MEGF10: variants seen among roughly 807,000 people sequenced by gnomAD.
The protein encoded by MEGF10 is multiple epidermal growth factor-like domains protein 10.
In MEGF10, 86 loss-of-function variants were observed where a neutral mutation model predicts 147.5. The observed-to-expected ratio is 0.58, with a 90% confidence interval of 0.49 to 0.70. The LOEUF is 0.70. Ranked by LOEUF, MEGF10 falls within the 30% of genes least tolerant of loss-of-function variation. The pLI is 0.00. For synonymous variants in MEGF10, 478 were observed against 525.5 expected, an observed-to-expected ratio of 0.91 and a Z score of 1.24; for missense variants, 1,329 against 1,487.3, an observed-to-expected ratio of 0.89 and a Z score of 1.75.
At chr5:127,326,879 G>C (rs947329217) in intron 1 of MEGF10, among the ~76,000 whole-genome samples, 1 of 152,114 alleles carries the variant, frequency 6.6e-6, no homozygotes, top group African/African-American at 2.4e-5. Flanking sequence ...ATTGATTCTA[G>C]GAAGAAAATA....
At chr5:127,287,367 G>T (rs962895038), upstream of MEGF10, among the ~76,000 whole-genome samples, 1 of 151,934 alleles carries the variant, frequency 6.6e-6, no homozygotes, top group African/African-American at 2.4e-5. Flanking sequence ...AAAACTACTA[G>T]AACGAATAAG....
intron 2 of MEGF10, among the ~76,000 whole-genome samples, chr5:127,334,984 C>A (rs574474382): frequency 1.3e-5 from 2 of 152,304 alleles, no homozygotes; most frequent in Admixed American, 6.5e-5. Flanking sequence ...TCTCCTCCCC[C>A]ACTCCCTGGT....
rs4836319 is a variant in MEGF10 at position 127,303,035 on chromosome 5, A to G, written c.-19+11979A>G. Among the ~76,000 whole-genome samples, 952 of 152,112 alleles carry G rather than the reference A, an allele frequency of 6.3e-3. 48 individuals carry two copies. Among genetic ancestry groups the G allele is most frequent in the Admixed American group, 0.057 (877 of 15,258 alleles). On this transcript the variant is annotated intron_variant, in intron 1 of 24. Transcript: ENST00000503335. ...CCAGACTAAAGGATTTGTATAATGG[A>G]ATATCAAGAGATAAGGTTGGGGTCA... is the stretch of plus-strand genomic sequence containing the variant.
intron 1 of MEGF10, among the ~76,000 whole-genome samples, chr5:127,329,416 G>A (rs1480976632): frequency 1.3e-5 from 2 of 151,964 alleles, no homozygotes; most frequent in African/African-American, 4.8e-5. Context: ...TAGGTAACTT[G>A]TCATAGTATA....
At chr5:127,346,545 T>G (rs191850104) in intron 4 of MEGF10, among the ~76,000 whole-genome samples, 2 of 152,300 alleles carry the variant, frequency 1.3e-5, no homozygotes, top group East Asian at 3.9e-4. Flanking sequence ...GCCCACTTTT[T>G]GATGGGATTG....
rs767695812 is a variant in MEGF10, at chr5:127,410,587, G to C, written c.1116G>C (p.Leu372=). 3 of 1,605,106 alleles carry C rather than the reference G, an allele frequency of 1.9e-6. No homozygotes were observed. Among genetic ancestry groups the C allele is most frequent in the Non-Finnish European group, 2.5e-6 (3 of 1,178,858 alleles). ...IKCDKRCPCH[L]ENTHSCHPMS... ...GTGACAAACGGTGTCCCTGCCACCT[G>C]GAAAACACTCATAGGTGAGTGTCAG... The change falls in exon 9 of 25, where the codon CTG becomes CTC. Residue 372 remains leucine (L), a synonymous_variant. Transcript: ENST00000503335.
intron 1 of MEGF10, among the ~76,000 whole-genome samples, chr5:127,295,403 G>A (rs1759448644): frequency 6.6e-6 from 1 of 152,252 alleles, no homozygotes; most frequent in South Asian, 2.1e-4. Flanking sequence ...GAAAAGATTT[G>A]CCATTTTTGG....
intron 13 of MEGF10, chr5:127,424,542 G>C (rs989160693): frequency 2.1e-6 from 3 of 1,406,192 alleles, no homozygotes; most frequent in Non-Finnish European, 2.8e-6. Flanking sequence ...GTGTCTCTCA[G>C]CCCCTTGGAA....
intron 13 of MEGF10, among the ~76,000 whole-genome samples, chr5:127,425,759 A>G (rs1415080929): frequency 2.0e-5 from 3 of 152,184 alleles, no homozygotes; most frequent in African/African-American, 7.2e-5. Flanking sequence ...TTTTGAACGT[A>G]AAGAAGGTTT....
rs747121505 is a variant in MEGF10, at chr5:127,433,407, A to G, written c.1738A>G (p.Asn580Asp). The G allele has an allele frequency of 5.0e-6, 8 of 1,614,012 alleles. No individual in the cohort carries two copies. In the African/African-American group the frequency reaches 1.1e-4, roughly 22 times the overall value. The part of the protein sequence containing the change: ...SVCAEGRWGP[N>D]CSLPCYCKNG... ...GTGTGCTGAGGGACGCTGGGGCCCC[A>G]ACTGCTCCCTGCCCTGCTACTGTAA... Residue 580 changes from asparagine (N) to aspartate (D), a missense_variant, in exon 14 of 25, where the codon AAC (asparagine) becomes GAC (aspartate). Physicochemically the swap from Asn to Asp is conservative, Grantham distance 23. Coordinates refer to ENST00000503335, the MANE Select transcript of MEGF10 (RefSeq NM_001256545.2).
At chr5:127,229,758 A>G in the MEGF10 span, 1 of 151,616 alleles carries the variant, frequency 6.6e-6, no homozygotes, top group African/African-American at 2.4e-5. Flanking sequence ...TCTCTGCCCC[A>G]TGCCCTGGGC....
the MEGF10 span, among the ~76,000 whole-genome samples, chr5:127,262,376 T>A: frequency 2.0e-5 from 3 of 152,284 alleles, no homozygotes; most frequent in African/African-American, 7.2e-5. Context: ...TGCAAGTCCC[T>A]TCCACTGGCA....
At chr5:127,276,658 A>G in the MEGF10 span, among the ~76,000 whole-genome samples, 1 of 152,244 alleles carries the variant, frequency 6.6e-6, no homozygotes, top group Non-Finnish European at 1.5e-5. Context: ...AAATATATTC[A>G]TTATATTTGA....
chr5:127,289,856 A>C (rs2408868), upstream of MEGF10, among the ~76,000 whole-genome samples: 1 of 151,826 alleles, frequency 6.6e-6, no homozygotes, highest in Non-Finnish European at 1.5e-5. Flanking sequence ...TGGGGCTTAA[A>C]CCTGTTTTTG....
At chr5:127,417,320 C>T (rs1764814044) in intron 9 of MEGF10, among the ~76,000 whole-genome samples, 1 of 152,104 alleles carries the variant, frequency 6.6e-6, no homozygotes, top group African/African-American at 2.4e-5. Context: ...TTTTTTAGCT[C>T]CTCTCATAGA....
At chr5:127,415,267 A>G (rs1764715508) in intron 9 of MEGF10, among the ~76,000 whole-genome samples, 1 of 152,210 alleles carries the variant, frequency 6.6e-6, no homozygotes, top group Admixed American at 6.5e-5. Context: ...TTGTCCTAGT[A>G]TAATTATTAG....
chr5:127,393,720 T>A (rs1763793746), intron 5 of MEGF10, among the ~76,000 whole-genome samples: 1 of 152,248 alleles, frequency 6.6e-6, no homozygotes, highest in South Asian at 2.1e-4. Flanking sequence ...ATGATAATAT[T>A]TCTTGAAAAG....
intron 13 of MEGF10, among the ~76,000 whole-genome samples, chr5:127,432,677 A>G (rs1033864715): frequency 2.0e-5 from 3 of 151,792 alleles, no homozygotes; most frequent in African/African-American, 4.8e-5. Context: ...TCCTTTTGTC[A>G]TTTTTTTTAA....
the MEGF10 span, among the ~76,000 whole-genome samples, chr5:127,278,486 A>C: frequency 6.6e-6 from 1 of 152,240 alleles, no homozygotes; most frequent in Non-Finnish European, 1.5e-5. Context: ...AGAACCAAAC[A>C]GAGTTCTTTT....
Sources: gnomAD v4.1 joint callset for allele counts (sites outside exome capture counted in the v4.1 genomes callset) on GRCh38, gnomAD v4.1.1 for gene constraint, MANE v1.5 for transcripts, NCBI Gene and HGNC (gene_info 2026-07-23, HGNC 2026-07-21) for gene names.